Variants in HIP1R observed in about 807,000 individuals in gnomAD.
HIP1R encodes huntingtin interacting protein 1 related.
In HIP1R, 135 loss-of-function variants were observed where a neutral mutation model predicts 144.2. The observed-to-expected ratio is 0.94, with a 90% CI of 0.81 to 1.08. HIP1R has a LOEUF of 1.08. Among genes scored for constraint, HIP1R ranks in the 50% least tolerant of loss-of-function variants. The pLI is 0.00. For synonymous variants in HIP1R, 698 were observed against 612.8 expected, an observed-to-expected ratio of 1.14 and a Z score of -2.05; for missense variants, 1,462 against 1,432.8, an observed-to-expected ratio of 1.02 and a Z score of -0.33.
intron 1 of HIP1R, among the ~76,000 whole-genome samples, chr12:122,846,797 T>C (rs897384): frequency 0.95 from 144,923 of 152,312 alleles, 68,992 homozygotes; most frequent in East Asian, 0.98. Flanking sequence ...CGCAGTCCCC[T>C]AGCTCCCATC....
At position 122,855,969 on chromosome 12, in the gene HIP1R, T is replaced by C; in HGVS notation, c.1129-11T>C. On this transcript the variant is annotated splice_polypyrimidine_tract_variant and intron_variant, in intron 13 of 31. Coordinates refer to ENST00000253083, the MANE Select transcript of HIP1R (RefSeq NM_003959.3). Reference sequence around the variant, plus strand: ...CCCAGGCAGGGCCCCACGTCACACCTCCTCCCGCAGGCCCAGCGGTACATC... The same window carrying C: ...CCCAGGCAGGGCCCCACGTCACACCCCCTCCCGCAGGCCCAGCGGTACATC... 1 of 1,578,648 alleles carries C rather than the reference T, an allele frequency of 6.3e-7. No individual in the cohort carries two copies. Among genetic ancestry groups the C allele is most frequent in the Admixed American group, 1.8e-5 (1 of 54,298 alleles).
At position 122,856,595 on chromosome 12, in the gene HIP1R, C is replaced by T. The variant is rs539861269; in HGVS notation, c.1519-30C>T. On this transcript the variant is annotated intron_variant, in intron 16 of 31. Coordinates refer to ENST00000253083, the MANE Select transcript of HIP1R (RefSeq NM_003959.3). Reference sequence around the variant, plus strand: ...GCCCTGCCCCGGCATCCCCAGCCCACTGCCCCAGTGACACGCTGTCCTGTC... The same window carrying T: ...GCCCTGCCCCGGCATCCCCAGCCCATTGCCCCAGTGACACGCTGTCCTGTC... The T allele has an allele frequency of 9.0e-5, 144 of 1,599,086 alleles. No individual in the cohort carries two copies. In the Admixed American group the frequency reaches 1.9e-3, roughly 21 times the overall value.
At chr12:122,842,165 TG>T (rs2033076041) in intron 1 of HIP1R, among the ~76,000 whole-genome samples, 1 of 152,146 alleles carries the variant, frequency 6.6e-6, no homozygotes, top group Admixed American at 6.5e-5. Context: ...ACCAACTCTT[TG>T]GAAATGTTAA....
At chr12:122,856,983 G>C in intron 17 of HIP1R, 38 bp from the exon 18 acceptor site, 1 of 1,539,512 alleles carries the variant, frequency 6.5e-7, no homozygotes, top group Non-Finnish European at 8.8e-7. Context: ...GGGCCTGGGA[G>C]CTCTGTTCAC....
rs2033799955 is a variant in HIP1R at position 122,862,448 on chromosome 12, G to C, written c.*695G>C. 2 of 3,510 alleles carry C rather than the reference G, an allele frequency of 5.7e-4. No homozygotes were observed. Among genetic ancestry groups the C allele is most frequent in the African/African-American group, 1.1e-3 (1 of 874 alleles). The allele number at this position is 3,510 out of a possible 1,614,324, so 0.2% of individuals were successfully genotyped here. A position where few individuals can be genotyped will look rare whatever the true frequency, so the allele number is the denominator to read the frequency against. On this transcript the variant is annotated 3_prime_UTR_variant, in exon 32 of 32. Coordinates refer to ENST00000253083, the MANE Select transcript of HIP1R (RefSeq NM_003959.3). ...CGGGCGCTGCCTTCACTCCTGGAGT[G>C]AGTTTCCATTTCCAGCTGGAATCTG...
At position 122,840,448 on chromosome 12, in the gene HIP1R, C is replaced by T. The variant is rs1047995240; in HGVS notation, c.93+4805C>T. 2.0e-5 allele frequency among the ~76,000 whole-genome samples: 3 copies of T among 152,218 alleles called. No individual in the cohort carries two copies. ...CTCCAGGTTCAGCCCCTGGCTCTGT[C>T]CCTTCACCACTCTGCCTCAGTTTCC... On this transcript the variant is annotated intron_variant, in intron 1 of 31. Transcript: ENST00000253083. The surrounding 1 kb of genome is among the most constrained non-coding windows in gnomAD (Gnocchi z 4.2).
In HIP1R at chr12:122,848,840, T is replaced by G. The variant is rs764687556; in HGVS notation, c.345T>G (p.Ile115Met). Residue 115 changes from isoleucine to methionine, a missense_variant, in exon 4 of 32, where the codon ATT becomes ATG. Physicochemically the swap from Ile to Met is conservative, Grantham distance 10. Around this residue, in one of 2 missense-constraint regions of HIP1R, gnomAD observed 350 missense variants for 421.1 expected, o/e 0.83. Coordinates refer to ENST00000253083, the MANE Select transcript of HIP1R (RefSeq NM_003959.3). ...CQRYRSNIRE[I>M]GDLWGHLHDR... is the part of the protein sequence containing the mutation. ...GGTACCGCAGCAACATCCGGGAGAT[T>G]GGAGACCTGTGGGTAGGTCCAGCCA... 6.2e-7 allele frequency: 1 copy of G among 1,613,246 alleles called. No homozygotes were observed.
intron 4 of HIP1R, among the ~76,000 whole-genome samples, chr12:122,849,340 G>A (rs773353287): frequency 5.3e-5 from 8 of 152,276 alleles, no homozygotes; most frequent in Non-Finnish European, 1.2e-4. Flanking sequence ...TCTCTCTGGA[G>A]CACTGTGGGG....
At position 122,840,371 on chromosome 12, in the gene HIP1R, G is replaced by A. The variant is rs1212968511; in HGVS notation, c.93+4728G>A. Among the ~76,000 whole-genome samples the A allele has an allele frequency of 6.6e-6, 1 of 152,264 alleles. No homozygotes were observed. Among genetic ancestry groups the A allele is most frequent in the African/African-American group, 2.4e-5 (1 of 41,468 alleles). The stretch of plus-strand genomic sequence containing the variant: ...TCATCTTTGTACCCTCTAAGAGGTG[G>A]AGAGATGCCAACTGTGGCCACGTGT... On this transcript the variant is annotated intron_variant, in intron 1 of 31. Transcript: ENST00000253083. The surrounding 1 kb of genome is among the most constrained non-coding windows in gnomAD (Gnocchi z 4.2).
upstream of HIP1R, chr12:122,835,395 T>C (rs1275327501): frequency 2.1e-5 from 19 of 898,016 alleles, no homozygotes; most frequent in African/African-American, 6.3e-4. Context: ...GGGAGGGGCG[T>C]GCCCTGGAGT....
Position 122,856,464 on chromosome 12 carries a change from G to A in HIP1R, c.1434G>A (p.Thr478=), listed in dbSNP as rs753780059. Residue 478 remains threonine, a synonymous_variant, in exon 16 of 32, where the codon ACG becomes ACA. Transcript: ENST00000253083. ...ACACAGCCAAGCAGCTGACGGTGAC[G>A]CAGCAAAGCCAGGAGGAGGTGGCGC... ...NADTAKQLTV[T]QQSQEEVARV... is the part of the protein sequence containing the mutation. The A allele has an allele frequency of 1.9e-5, 30 of 1,589,128 alleles. No individual in the cohort carries two copies. Among genetic ancestry groups the A allele is most frequent in the South Asian group, 7.9e-5 (7 of 88,272 alleles).
chr12:122,861,513 A>G lies in HIP1R; in HGVS notation c.3158A>G (p.Gln1053Arg), dbSNP rs374728346. 6.2e-7 allele frequency: 1 copy of G among 1,609,930 alleles called. No homozygotes were observed. The highest frequency in any genetic ancestry group is 1.3e-5 in the African/African-American group (1 of 74,782). Residue 1053 changes from glutamine (Q) to arginine (R), a missense_variant and splice_region_variant, in exon 31 of 32, where the codon CAG becomes CGG. Physicochemically the swap from Gln to Arg is conservative, Grantham distance 43 (BLOSUM62 1). Around this residue, in one of 2 missense-constraint regions of HIP1R, gnomAD observed 1,112 missense variants for 1,011.7 expected, o/e 1.10. Transcript: ENST00000253083. Reference protein sequence around the residue: ...KPSVAPRQDHQLDKKDGIYPA... With the variant: ...KPSVAPRQDHRLDKKDGIYPA... Reference sequence around the variant, plus strand: ...AGCGTGGCCCCCAGACAGGACCACCAGGTGCCGTCTGCACTGGGATGGGGG... The same window carrying G: ...AGCGTGGCCCCCAGACAGGACCACCGGGTGCCGTCTGCACTGGGATGGGGG...
In HIP1R at chr12:122,836,468, C is replaced by G. The variant is rs1025095539; in HGVS notation, c.93+825C>G. Among the ~76,000 whole-genome samples, 5 of 152,030 alleles carry G rather than the reference C, an allele frequency of 3.3e-5. No individual in the cohort carries two copies. The highest frequency in any genetic ancestry group is 2.1e-4 in the South Asian group (1 of 4,824). ...GTGCGTTTTGTACTTGTGTTTGTGC[C>G]GGGGACCCACGATGCAGACGTTGCT... On this transcript the variant is annotated intron_variant, in intron 1 of 31. Transcript: ENST00000253083. The surrounding 1 kb of genome is among the most constrained non-coding windows in gnomAD (Gnocchi z 4.1).
rs1385954080 is a variant in HIP1R at position 122,859,043 on chromosome 12, G to A, written c.2159-18G>A. The stretch of plus-strand genomic sequence containing the variant: ...TGTCGGTGGGGGGGGCTCCACTCAC[G>A]GTCCTTTCTCACCCCAGGCCTCATA... On this transcript the variant is annotated intron_variant, in intron 21 of 31. Coordinates refer to ENST00000253083, the MANE Select transcript of HIP1R (RefSeq NM_003959.3). The A allele has an allele frequency of 1.8e-5, 29 of 1,605,186 alleles. No individual in the cohort carries two copies. The highest frequency in any genetic ancestry group is 3.3e-5 in the South Asian group (3 of 90,280).
At chr12:122,855,517 AG>A (rs760277630) in intron 11 of HIP1R, 33 bp from the exon 12 acceptor site, 25 of 1,549,290 alleles carry the variant, frequency 1.6e-5, no homozygotes, top group Non-Finnish European at 2.1e-5. Flanking sequence ...TGGAGGGCAC[AG>A]GTGAGTGGGG....
chr12:122,853,784 G>A (rs1206904319), intron 7 of HIP1R: 1 of 394,956 alleles, frequency 2.5e-6, no homozygotes, highest in Non-Finnish European at 4.5e-6. Flanking sequence ...GGGCTCCCAG[G>A]TGGAGGTCTC....
At position 122,848,576 on chromosome 12, in the gene HIP1R, C is replaced by T; in HGVS notation, c.268C>T (p.Leu90Phe). The change falls in exon 3 of 32, where the codon CTC (leucine) becomes TTC (phenylalanine). Residue 90 changes from leucine (L) to phenylalanine (F), a missense_variant. Physicochemically the swap from Leu to Phe is conservative, Grantham distance 22. Coordinates refer to ENST00000253083, the MANE Select transcript of HIP1R (RefSeq NM_003959.3). ...TCTCAGCTGGAAGTTCTGCCACGTC[C>T]TCCACAAGGTCCTTCGAGACGGGCA... is the stretch of plus-strand genomic sequence containing the variant. ...SILSWKFCHV[L>F]HKVLRDGHPN... is the part of the protein sequence containing the mutation. 6.2e-7 allele frequency: 1 copy of T among 1,613,114 alleles called. No homozygotes were observed. Among genetic ancestry groups the T allele is most frequent in the Non-Finnish European group, 8.5e-7 (1 of 1,179,938 alleles).
chr12:122,844,961 C>T (rs188392159), intron 1 of HIP1R, among the ~76,000 whole-genome samples: 68 of 152,312 alleles, frequency 4.5e-4, no homozygotes, highest in African/African-American at 1.4e-3. Flanking sequence ...CTGCAGTTTC[C>T]CCACCTTCAA....
chr12:122,856,239 CCTCCT>C lies in HIP1R; in HGVS notation c.1313-13_1313-9del. The C allele has an allele frequency of 6.2e-7, 1 of 1,613,582 alleles. No homozygotes were observed. The highest frequency in any genetic ancestry group is 8.5e-7 in the Non-Finnish European group (1 of 1,179,940). ...CCACCCCACACGGGGCATCACTGCCCCTCCTCTCGCCCCCAGGGAAGGCCAGTGCC... is the reference window on the plus strand; with the variant it reads ...CCACCCCACACGGGGCATCACTGCCCCTCGCCCCCAGGGAAGGCCAGTGCC... On this transcript the variant is annotated splice_polypyrimidine_tract_variant and intron_variant, in intron 14 of 31. Coordinates refer to ENST00000253083, the MANE Select transcript of HIP1R (RefSeq NM_003959.3).
Sources: allele counts gnomAD v4.1 joint callset (sites outside exome capture counted in the v4.1 genomes callset), GRCh38; gene constraint gnomAD v4.1.1; regional missense constraint gnomAD v4.1.1; non-coding constraint Gnocchi (gnomAD v3.1); transcripts MANE v1.5; gene names NCBI Gene and HGNC (gene_info 2026-07-23, HGNC 2026-07-21).